Variants in ITFG1 observed in about 807,000 individuals in gnomAD.
The protein encoded by ITFG1 is integrin alpha FG-GAP repeat containing 1.
In ITFG1, 34 loss-of-function variants were observed where a neutral mutation model predicts 81.8. That is an observed-to-expected ratio of 0.42 (90% CI 0.32 to 0.55). ITFG1 has a LOEUF of 0.55. Among genes scored for constraint, ITFG1 ranks in the 20% least tolerant of loss-of-function variants. ITFG1 has a pLI of 0.17. For synonymous variants in ITFG1, 285 were observed against 270.6 expected, an observed-to-expected ratio of 1.05 and a Z score of -0.52; for missense variants, 672 against 755.4, an observed-to-expected ratio of 0.89 and a Z score of 1.29.
intron 6 of ITFG1, among the ~76,000 whole-genome samples, chr16:47,379,544 C>T (rs1968369157): frequency 6.6e-6 from 1 of 151,996 alleles, no homozygotes; most frequent in African/African-American, 2.4e-5. Context: ...AAAAATTAGC[C>T]AGGCGTGGTG....
At chr16:47,321,327 T>G (rs1489887064) in intron 8 of ITFG1, among the ~76,000 whole-genome samples, 1 of 152,220 alleles carries the variant, frequency 6.6e-6, no homozygotes, top group African/African-American at 2.4e-5. Flanking sequence ...GCTTTCTCAT[T>G]ATACTTGGCT....
At chr16:47,420,406 T>C (rs1968930050) in intron 6 of ITFG1, among the ~76,000 whole-genome samples, 1 of 152,210 alleles carries the variant, frequency 6.6e-6, no homozygotes, top group Admixed American at 6.5e-5. Context: ...ACTGTCTAGA[T>C]GATCTGTGCA....
intron 8 of ITFG1, among the ~76,000 whole-genome samples, chr16:47,329,003 G>T (rs1334962522): frequency 1.3e-5 from 2 of 152,062 alleles, no homozygotes; most frequent in Non-Finnish European, 2.9e-5. Flanking sequence ...AAGACCAAAA[G>T]AACAGAAACG....
chr16:47,347,175 T>C (rs1251539290), intron 8 of ITFG1, among the ~76,000 whole-genome samples: 1 of 152,206 alleles, frequency 6.6e-6, no homozygotes, highest in African/African-American at 2.4e-5. Flanking sequence ...TTCATCTCAC[T>C]GGGGCTTGTC....
rs577054265 is a variant in ITFG1 at position 47,396,845 on chromosome 16, A to G, written c.656-20905T>C. On this transcript the variant is annotated intron_variant, in intron 6 of 17. Transcript: ENST00000320640. ...TGTGACTGGTGGTTTTGGAGATGGT[A>G]TATTTTCTGGTACCTACAAGGTGCA... Among the ~76,000 whole-genome samples the G allele has an allele frequency of 2.0e-5, 3 of 152,150 alleles. No individual in the cohort carries two copies. The East Asian group carries it at 5.8e-4, about 29-fold the overall frequency.
intron 14 of ITFG1, among the ~76,000 whole-genome samples, chr16:47,173,420 T>C (rs1407512900): frequency 1.3e-5 from 2 of 152,228 alleles, no homozygotes; most frequent in Non-Finnish European, 2.9e-5. Flanking sequence ...CAATATATTT[T>C]TGTTAAATTA....
intron 5 of ITFG1, among the ~76,000 whole-genome samples, chr16:47,445,943 T>C (rs1969319228): frequency 6.6e-6 from 1 of 152,136 alleles, no homozygotes; most frequent in African/African-American, 2.4e-5. Context: ...AAGATCCAGA[T>C]TCAATTCCCA....
rs151168024 is a variant in ITFG1 at position 47,309,954 on chromosome 16, A to G, written c.1070+1286T>C. On this transcript the variant is annotated intron_variant, in intron 10 of 17. Coordinates refer to ENST00000320640, the MANE Select transcript of ITFG1 (RefSeq NM_030790.5). ...CCAATGTCTAAAATAAAGTAATTTTACAGTTCTTTGTTTTTATGTGCCACT... is the reference window on the plus strand; with the variant it reads ...CCAATGTCTAAAATAAAGTAATTTTGCAGTTCTTTGTTTTTATGTGCCACT... Among the ~76,000 whole-genome samples, 878 of 152,350 alleles carry G rather than the reference A, an allele frequency of 5.8e-3. 7 individuals carry two copies. Among genetic ancestry groups the G allele is most frequent in the African/African-American group, 0.02 (836 of 41,578 alleles).
intron 6 of ITFG1, among the ~76,000 whole-genome samples, chr16:47,413,064 G>C (rs1263800291): frequency 6.6e-6 from 1 of 152,060 alleles, no homozygotes; most frequent in Non-Finnish European, 1.5e-5. Context: ...AAGACACATA[G>C]TTATCAGAAT....
intron 3 of ITFG1, 129 bp downstream of exon 3, chr16:47,453,880 TAAAC>T (rs1251336028): frequency 1.5e-6 from 1 of 648,480 alleles, no homozygotes; most frequent in Non-Finnish European, 2.6e-6. Context: ...AATCAGGAAA[TAAAC>T]TTTGAAAAAA....
intron 6 of ITFG1, among the ~76,000 whole-genome samples, chr16:47,413,372 G>A (rs1369621766): frequency 6.6e-6 from 1 of 152,130 alleles, no homozygotes; most frequent in Admixed American, 6.5e-5. Context: ...GCTAAATATA[G>A]AAATGAAAGA....
At chr16:47,176,534 T>C (rs1214846944) in intron 14 of ITFG1, among the ~76,000 whole-genome samples, 1 of 152,216 alleles carries the variant, frequency 6.6e-6, no homozygotes, top group Non-Finnish European at 1.5e-5. Context: ...CTACAAATGA[T>C]TTGGCCAGTG....
intron 10 of ITFG1, among the ~76,000 whole-genome samples, chr16:47,293,821 G>T (rs1966945907): frequency 6.6e-6 from 1 of 151,974 alleles, no homozygotes; most frequent in African/African-American, 2.4e-5. Context: ...CAGCTGGTCT[G>T]TTCACCCTGT....
In ITFG1 at chr16:47,315,799, A is replaced by AT. The variant is rs889076465; in HGVS notation, c.803-1977dup. ...TATATACACATATATATAATTTATT[A>AT]TTTTTTTTTGAGGCAGAGTCTTGCT... On this transcript the variant is annotated intron_variant, in intron 8 of 17. Transcript: ENST00000320640. Among the ~76,000 whole-genome samples the AT allele has an allele frequency of 1.4e-4, 21 of 150,314 alleles. 1 individual carries two copies. Among genetic ancestry groups the AT allele is most frequent in the Admixed American group, 5.3e-4 (8 of 15,108 alleles).
chr16:47,174,260 C>G (rs1345920203), intron 14 of ITFG1, among the ~76,000 whole-genome samples: 1 of 151,900 alleles, frequency 6.6e-6, no homozygotes, highest in African/African-American at 2.4e-5. Context: ...GATATTGAAG[C>G]CAACTTTGCT....
intron 14 of ITFG1, among the ~76,000 whole-genome samples, chr16:47,190,547 G>C (rs2151517333): frequency 6.6e-6 from 1 of 152,234 alleles, no homozygotes; most frequent in Admixed American, 6.5e-5. Flanking sequence ...GTGAGTGTCA[G>C]TATGCATATT....
chr16:47,194,267 T>C (rs1185084330), intron 14 of ITFG1, among the ~76,000 whole-genome samples: 1 of 152,218 alleles, frequency 6.6e-6, no homozygotes, highest in East Asian at 1.9e-4. Context: ...CTTATTGCTT[T>C]GTAATGACTA....
chr16:47,422,816 T>C (rs1239593234), intron 6 of ITFG1, among the ~76,000 whole-genome samples: 1 of 151,978 alleles, frequency 6.6e-6, no homozygotes, highest in Admixed American at 6.6e-5. Context: ...TGGTAGTTTG[T>C]ATTTCTGTGG....
chr16:47,267,081 G>A (rs13339406), intron 10 of ITFG1, among the ~76,000 whole-genome samples: 14,715 of 152,146 alleles, frequency 0.097, 1,459 homozygotes, highest in African/African-American at 0.25. Flanking sequence ...AGCTTCATTC[G>A]GGGTTAATGA....
Sources: allele counts gnomAD v4.1 joint callset (sites outside exome capture counted in the v4.1 genomes callset), GRCh38; gene constraint gnomAD v4.1.1; transcripts MANE v1.5; gene names NCBI Gene and HGNC (gene_info 2026-07-23, HGNC 2026-07-21).